The following AKAP6 variants were observed in gnomAD, a reference collection of about 807,000 sequenced individuals.
AKAP6 encodes the protein A-kinase anchoring protein 6.
AKAP6 carries 58 observed loss-of-function variants against 188.5 expected under a neutral mutation model. The ratio of observed to expected loss-of-function variants is 0.31; its 90% CI spans 0.25 to 0.38. AKAP6 has a LOEUF of 0.38. Ranked by LOEUF, AKAP6 falls within the 10% of genes least tolerant of loss-of-function variation. The pLI, the probability that AKAP6 is intolerant of heterozygous loss-of-function variation, is 1.00. For missense variants in AKAP6, 2,710 were observed against 2,740.0 expected, an observed-to-expected ratio of 0.99 and a Z score of 0.24; for synonymous variants, 989 against 998.6, an observed-to-expected ratio of 0.99 and a Z score of 0.18.
intron 2 of AKAP6, among the ~76,000 whole-genome samples, chr14:32,518,125 A>G (rs1881619039): frequency 6.6e-6 from 1 of 152,172 alleles, no homozygotes; most frequent in Non-Finnish European, 1.5e-5. Context: ...AGACTTGCAG[A>G]GGGTCCTGAC....
chr14:32,403,057 A>C (rs1168533146), intron 1 of AKAP6: 1 of 152,142 alleles, frequency 6.6e-6, no homozygotes, highest in Non-Finnish European at 1.5e-5. Context: ...TATTCCTGTG[A>C]AGTATACAAC....
intron 11 of AKAP6, among the ~76,000 whole-genome samples, chr14:32,746,470 A>G (rs2031915125): frequency 6.6e-6 from 1 of 152,054 alleles, no homozygotes; most frequent in African/African-American, 2.4e-5. Flanking sequence ...GTCATCTGGG[A>G]GCTAGGTCCT....
chr14:32,407,260 G>T (rs1380663891), intron 1 of AKAP6, among the ~76,000 whole-genome samples: 1 of 152,188 alleles, frequency 6.6e-6, no homozygotes, highest in Non-Finnish European at 1.5e-5. Context: ...CTATGGAAAA[G>T]GTTGTTAATA....
intron 7 of AKAP6, among the ~76,000 whole-genome samples, chr14:32,624,755 C>T (rs1797848357): frequency 6.6e-6 from 1 of 152,110 alleles, no homozygotes; most frequent in South Asian, 2.1e-4. Context: ...TCTCAAAAAT[C>T]ACATTAATGG....
chr14:32,529,077 C>CT (rs1198350968), intron 2 of AKAP6, among the ~76,000 whole-genome samples: 4 of 152,144 alleles, frequency 2.6e-5, no homozygotes, highest in African/African-American at 9.7e-5. Flanking sequence ...GAACTAACAT[C>CT]TTGATAATAT....
rs150921013 is a variant in AKAP6, at chr14:32,427,016, G to A, written c.-34-6444G>A. 2.5e-3 allele frequency among the ~76,000 whole-genome samples: 388 copies of A among 152,216 alleles called. 2 individuals are homozygous for A. The highest frequency in any genetic ancestry group is 7.9e-3 in the African/African-American group (330 of 41,534). ...AGCAGAATGTAATCACCCATCTGCCGAGGGGCACAGCTGTACAAAAGGAAA... is the reference window on the plus strand; with the variant it reads ...AGCAGAATGTAATCACCCATCTGCCAAGGGGCACAGCTGTACAAAAGGAAA... On this transcript the variant is annotated intron_variant, in intron 1 of 13. Transcript: ENST00000280979.
chr14:32,410,504 C>T (rs568925438), intron 1 of AKAP6, among the ~76,000 whole-genome samples: 392 of 152,252 alleles, frequency 2.6e-3, no homozygotes, highest in Non-Finnish European at 4.3e-3. Flanking sequence ...CAGGCTGTGC[C>T]GTAACCACCT....
intron 7 of AKAP6, among the ~76,000 whole-genome samples, chr14:32,650,160 C>T (rs1052633261): frequency 2.0e-5 from 3 of 152,076 alleles, no homozygotes; most frequent in African/African-American, 7.2e-5. Context: ...AAATGAAACT[C>T]CCTAAACACT....
intron 5 of AKAP6, among the ~76,000 whole-genome samples, chr14:32,591,893 G>C (rs1243869668): frequency 1.3e-5 from 2 of 152,160 alleles, no homozygotes; most frequent in African/African-American, 4.8e-5. Context: ...TATGTGGTAA[G>C]TACCACATGA....
intron 7 of AKAP6, among the ~76,000 whole-genome samples, chr14:32,647,406 G>A (rs1342762487): frequency 1.3e-5 from 2 of 152,056 alleles, no homozygotes; most frequent in African/African-American, 4.8e-5. Context: ...GACCATTTCT[G>A]TTTCCTTTAA....
chr14:32,360,769 A>G (rs1887633423), intron 1 of AKAP6, among the ~76,000 whole-genome samples: 1 of 145,212 alleles, frequency 6.9e-6, no homozygotes, highest in African/African-American at 2.6e-5. Context: ...TTTTTGAGAC[A>G]TGGTTTTGCC....
intron 4 of AKAP6, among the ~76,000 whole-genome samples, chr14:32,548,649 A>T (rs1594734001): frequency 6.6e-6 from 1 of 150,576 alleles, no homozygotes; most frequent in African/African-American, 2.4e-5. Flanking sequence ...ACAGACTGAC[A>T]GACAGACAGG....
intron 2 of AKAP6, among the ~76,000 whole-genome samples, chr14:32,504,854 G>T (rs1880787651): frequency 6.6e-6 from 1 of 152,142 alleles, no homozygotes. Flanking sequence ...CCTCAGCTCT[G>T]CTCCATGTCT....
At chr14:32,729,964 T>C (rs1039508941) in intron 9 of AKAP6, among the ~76,000 whole-genome samples, 1 of 152,118 alleles carries the variant, frequency 6.6e-6, no homozygotes. Context: ...CCCCACTTGA[T>C]AGGATGACCG....
intron 5 of AKAP6, among the ~76,000 whole-genome samples, chr14:32,588,107 G>T (rs1026138630): frequency 1.3e-5 from 2 of 151,970 alleles, no homozygotes; most frequent in African/African-American, 4.8e-5. Flanking sequence ...CCCTCCCTTG[G>T]GTAACCAATG....
chr14:32,681,519 A>G (rs1270337274), intron 8 of AKAP6, among the ~76,000 whole-genome samples: 1 of 152,184 alleles, frequency 6.6e-6, no homozygotes, highest in Non-Finnish European at 1.5e-5. Flanking sequence ...GGTGTTGTGC[A>G]TATTCCATAC....
intron 2 of AKAP6, among the ~76,000 whole-genome samples, chr14:32,452,014 T>C (rs1890956840): frequency 2.0e-5 from 1 of 51,030 alleles, no homozygotes; most frequent in Non-Finnish European, 4.8e-5. Flanking sequence ...TCTTTACATT[T>C]TTTTTTTTTT....
At chr14:32,460,171 A>G (rs1294974022) in intron 2 of AKAP6, among the ~76,000 whole-genome samples, 1 of 152,218 alleles carries the variant, frequency 6.6e-6, no homozygotes, top group Non-Finnish European at 1.5e-5. Context: ...TTAGATAAAT[A>G]ATATCATGGG....
chr14:32,710,958 G>A (rs1193529748), intron 9 of AKAP6, among the ~76,000 whole-genome samples: 1 of 152,056 alleles, frequency 6.6e-6, no homozygotes, highest in African/African-American at 2.4e-5. Flanking sequence ...TTACGCAATG[G>A]TAGAGTTGAG....
Sources: gnomAD v4.1 joint callset for allele counts (sites outside exome capture counted in the v4.1 genomes callset) on GRCh38, gnomAD v4.1.1 for gene constraint, MANE v1.5 for transcripts, NCBI Gene and HGNC (gene_info 2026-07-23, HGNC 2026-07-21) for gene names.